IRF2: variants seen among roughly 807,000 people sequenced by gnomAD.
The protein encoded by IRF2 is interferon regulatory factor 2.
A neutral mutation model predicts 40.6 loss-of-function variants in IRF2; 15 were observed. The ratio of observed to expected loss-of-function variants is 0.37; its 90% confidence interval spans 0.25 to 0.57. The LOEUF (loss-of-function observed/expected upper bound fraction) is 0.57, where lower values mean the gene tolerates loss of function less well. Among genes scored for constraint, IRF2 ranks in the 20% least tolerant of loss-of-function variants. The pLI is 0.77. For synonymous variants in IRF2, 151 were observed against 165.5 expected (o/e 0.91, Z 0.67); for missense variants, 317 against 455.7 (o/e 0.70, Z 2.77).
intron 1 of IRF2, among the ~76,000 whole-genome samples, chr4:184,472,963 G>A (rs1170536846): frequency 6.6e-6 from 1 of 152,170 alleles, no homozygotes; most frequent in African/African-American, 2.4e-5. Flanking sequence ...AAGGGGAGAC[G>A]CCGGCGCGTG....
At chr4:184,443,564 A>G (rs1409644380) in intron 1 of IRF2, among the ~76,000 whole-genome samples, 1 of 152,168 alleles carries the variant, frequency 6.6e-6, no homozygotes, top group African/African-American at 2.4e-5. Context: ...TTATGGCTGC[A>G]TAGTATTCCA....
rs901167742 is a variant in IRF2, at chr4:184,455,220, C to T, written c.-7+19159G>A. 3.3e-5 allele frequency among the ~76,000 whole-genome samples: 5 copies of T among 150,908 alleles called. No individual in the cohort carries two copies. In the South Asian group the frequency reaches 1.1e-3, roughly 32 times the overall value. On this transcript the variant is annotated intron_variant, in intron 1 of 8. Coordinates refer to ENST00000393593, the MANE Select transcript of IRF2 (RefSeq NM_002199.4). ...CCACCTTCTTCTTCTAACCTCTTAT[C>T]CCACTGATTCCTTTCTTCTTCCTCC...
intron 7 of IRF2, among the ~76,000 whole-genome samples, chr4:184,390,975 GCTGTGTATACA>G (rs1736240733): frequency 6.6e-6 from 1 of 152,242 alleles, no homozygotes; most frequent in African/African-American, 2.4e-5. Context: ...CCAGGGCCGG[GCTGTGTATACA>G]CTGGGCACTA....
At chr4:184,436,617 G>A (rs1352432163) in intron 1 of IRF2, among the ~76,000 whole-genome samples, 1 of 152,182 alleles carries the variant, frequency 6.6e-6, no homozygotes, top group Non-Finnish European at 1.5e-5. Flanking sequence ...AAGCTTTATG[G>A]TAAAGGAAGA....
chr4:184,465,531 TA>T (rs1739288727), intron 1 of IRF2, among the ~76,000 whole-genome samples: 1 of 152,010 alleles, frequency 6.6e-6, no homozygotes, highest in African/African-American at 2.4e-5. Context: ...ATCAAAAAGA[TA>T]TGTTTTCTTC....
At chr4:184,430,213 G>A (rs1737822501) in intron 1 of IRF2, among the ~76,000 whole-genome samples, 2 of 151,988 alleles carry the variant, frequency 1.3e-5, no homozygotes, top group Non-Finnish European at 2.9e-5. Context: ...CCCAGAACAT[G>A]CCAGAGTTAC....
intron 1 of IRF2, among the ~76,000 whole-genome samples, chr4:184,436,853 C>T (rs1365484786): frequency 1.3e-5 from 2 of 152,188 alleles, no homozygotes; most frequent in Non-Finnish European, 2.9e-5. Context: ...CTCATAACAG[C>T]TCTAACCAGT....
At chr4:184,420,921 C>T (rs1438813403) in intron 2 of IRF2, among the ~76,000 whole-genome samples, 17 of 152,242 alleles carry the variant, frequency 1.1e-4, no homozygotes. Context: ...TATGCTATTA[C>T]TTAATCACCC....
intron 1 of IRF2, among the ~76,000 whole-genome samples, chr4:184,454,940 C>T (rs769064122): frequency 1.3e-5 from 2 of 152,164 alleles, no homozygotes; most frequent in African/African-American, 2.4e-5. Flanking sequence ...CAGTAGGGCC[C>T]GTGCTCCACC....
At chr4:184,389,319 G>A (rs1736167930) in intron 8 of IRF2, among the ~76,000 whole-genome samples, 1 of 152,202 alleles carries the variant, frequency 6.6e-6, no homozygotes, top group Non-Finnish European at 1.5e-5. Flanking sequence ...TCGGGAGGCT[G>A]AGGCGGGAGG....
At chr4:184,464,826 G>C (rs1739267054) in intron 1 of IRF2, among the ~76,000 whole-genome samples, 1 of 152,104 alleles carries the variant, frequency 6.6e-6, no homozygotes, top group South Asian at 2.1e-4. Context: ...GGGGAGCTAA[G>C]GTGTTTGTCT....
At chr4:184,411,536 C>T (rs557097466) in intron 5 of IRF2, among the ~76,000 whole-genome samples, 1 of 152,228 alleles carries the variant, frequency 6.6e-6, no homozygotes, top group African/African-American at 2.4e-5. Context: ...TCACTGACAC[C>T]GTCACTCTGG....
intron 1 of IRF2, among the ~76,000 whole-genome samples, chr4:184,441,181 G>A (rs144329144): frequency 1.8e-4 from 27 of 152,248 alleles, no homozygotes; most frequent in Middle Eastern, 3.4e-3. Flanking sequence ...TGAGACCAAC[G>A]CTCCTTAGGC....
chr4:184,455,121 T>A (rs777336283), intron 1 of IRF2, among the ~76,000 whole-genome samples: 1 of 152,048 alleles, frequency 6.6e-6, no homozygotes, highest in African/African-American at 2.4e-5. Flanking sequence ...GCCCATTGAA[T>A]AAAATCTGGA....
chr4:184,418,411 C>A, intron 4 of IRF2, 121 bp downstream of exon 4: 1 of 1,021,300 alleles, frequency 9.8e-7, no homozygotes, highest in Non-Finnish European at 1.5e-6. Flanking sequence ...GCGGAATGAT[C>A]CCCTACAGCA....
At chr4:184,393,294 T>C (rs999251036) in intron 7 of IRF2, among the ~76,000 whole-genome samples, 1 of 152,238 alleles carries the variant, frequency 6.6e-6, no homozygotes, top group East Asian at 1.9e-4. Flanking sequence ...AAGATCCGCT[T>C]TCCATTTTAT....
intron 1 of IRF2, among the ~76,000 whole-genome samples, chr4:184,434,591 C>G (rs953450417): frequency 6.6e-6 from 1 of 152,168 alleles, no homozygotes; most frequent in African/African-American, 2.4e-5. Flanking sequence ...ACCTTTACAC[C>G]TTTGAGATTT....
chr4:184,407,268 C>A, intron 6 of IRF2: 1 of 1,265,920 alleles, frequency 7.9e-7, no homozygotes, highest in Non-Finnish European at 1.0e-6. Flanking sequence ...ACCATACACA[C>A]AACAAAAATT....
intron 7 of IRF2, among the ~76,000 whole-genome samples, chr4:184,396,295 G>A (rs1736452624): frequency 6.6e-6 from 1 of 152,200 alleles, no homozygotes; most frequent in South Asian, 2.1e-4. Flanking sequence ...GCTGTCCAGG[G>A]CAGCGACACA....
Sources: allele counts gnomAD v4.1 joint callset (sites outside exome capture counted in the v4.1 genomes callset), GRCh38; gene constraint gnomAD v4.1.1; transcripts MANE v1.5; gene names NCBI Gene and HGNC (gene_info 2026-07-23, HGNC 2026-07-21).